ACOXL: variants seen among roughly 807,000 people sequenced by gnomAD.
The protein encoded by ACOXL is acyl-coenzyme A oxidase-like protein.
In ACOXL, 70 loss-of-function variants were observed where a neutral mutation model predicts 71.9. The observed-to-expected ratio is 0.97, with a 90% confidence interval of 0.80 to 1.19. The LOEUF (loss-of-function observed/expected upper bound fraction) is 1.19. Among genes scored for constraint, ACOXL ranks in the 50% most tolerant of loss-of-function variants. ACOXL has a pLI of 0.00. For missense variants in ACOXL, 703 were observed against 736.3 expected (o/e 0.95, Z 0.52); for synonymous variants, 253 against 281.6 (o/e 0.90, Z 1.02).
chr2:111,052,743 G>A (rs780186499), intron 16 of ACOXL, among the ~76,000 whole-genome samples: 7 of 152,094 alleles, frequency 4.6e-5, no homozygotes, highest in Admixed American at 1.3e-4. Context: ...ACCTTGGAGA[G>A]CCCATTTGCC....
At chr2:110,907,847 A>G (rs904638874) in intron 10 of ACOXL, among the ~76,000 whole-genome samples, 2 of 152,244 alleles carry the variant, frequency 1.3e-5, no homozygotes, top group South Asian at 2.1e-4. Flanking sequence ...TTTATCAAAT[A>G]TAAGATTTTT....
At chr2:110,968,030 A>T (rs1288514776) in intron 12 of ACOXL, 2 of 1,071,552 alleles carry the variant, frequency 1.9e-6, no homozygotes, top group Non-Finnish European at 1.4e-6. Context: ...CAGATTGCTT[A>T]TGCCCGTATA....
intron 11 of ACOXL, among the ~76,000 whole-genome samples, chr2:110,930,155 AG>A (rs2060427218): frequency 1.3e-5 from 2 of 152,328 alleles, no homozygotes; most frequent in African/African-American, 4.8e-5. Context: ...TAGCTGGGGT[AG>A]GGGGCTGTAC....
intron 10 of ACOXL, among the ~76,000 whole-genome samples, chr2:110,883,117 T>G (rs1415181985): frequency 2.7e-5 from 4 of 147,726 alleles, no homozygotes; most frequent in Non-Finnish European, 3.0e-5. Context: ...GTTTTTTTTT[T>G]TTTTTTTTTT....
At chr2:110,959,771 CA>C (rs1439842953) in intron 12 of ACOXL, among the ~76,000 whole-genome samples, 1 of 152,200 alleles carries the variant, frequency 6.6e-6, no homozygotes, top group Non-Finnish European at 1.5e-5. Flanking sequence ...GCAAGGTTTA[CA>C]TTCACCATTC....
At chr2:110,877,212 C>A (rs1039824892) in intron 10 of ACOXL, among the ~76,000 whole-genome samples, 1 of 152,236 alleles carries the variant, frequency 6.6e-6, no homozygotes, top group Admixed American at 6.5e-5. Flanking sequence ...GTCTTTGAGG[C>A]GGCACGCAGA....
At chr2:110,851,423 C>T (rs986686862) in intron 10 of ACOXL, among the ~76,000 whole-genome samples, 1 of 152,124 alleles carries the variant, frequency 6.6e-6, no homozygotes, top group African/African-American at 2.4e-5. Flanking sequence ...GTTTTACGTG[C>T]CCAGGGTGAG....
At chr2:110,988,561 A>T (rs761225977) in intron 13 of ACOXL, among the ~76,000 whole-genome samples, 2 of 152,192 alleles carry the variant, frequency 1.3e-5, no homozygotes, top group Non-Finnish European at 2.9e-5. Flanking sequence ...TTGCTGTGCT[A>T]TGGAGTAATG....
chr2:110,928,865 C>A (rs1021491596), intron 11 of ACOXL, among the ~76,000 whole-genome samples: 3 of 152,242 alleles, frequency 2.0e-5, no homozygotes, highest in African/African-American at 7.2e-5. Flanking sequence ...ACCCCTTTCA[C>A]TTGTCTCCCA....
intron 12 of ACOXL, among the ~76,000 whole-genome samples, chr2:110,949,800 C>A (rs1460048160): frequency 1.3e-5 from 2 of 152,148 alleles, no homozygotes; most frequent in East Asian, 3.9e-4. Context: ...GAAGGACGAA[C>A]AAGGCCAGAA....
intron 12 of ACOXL, among the ~76,000 whole-genome samples, chr2:110,961,252 C>G (rs1243650869): frequency 6.6e-6 from 1 of 152,206 alleles, no homozygotes; most frequent in South Asian, 2.1e-4. Context: ...TCCAGTTTCA[C>G]TTGACTTTCA....
intron 12 of ACOXL, among the ~76,000 whole-genome samples, chr2:110,969,406 A>C (rs2062077516): frequency 6.6e-6 from 1 of 152,244 alleles, no homozygotes; most frequent in Admixed American, 6.5e-5. Flanking sequence ...AAGAATCAAC[A>C]AAGTTGATAA....
At chr2:110,818,068 G>A (rs1386670806) in intron 9 of ACOXL, among the ~76,000 whole-genome samples, 5 of 150,262 alleles carry the variant, frequency 3.3e-5, no homozygotes, top group Non-Finnish European at 5.9e-5. Context: ...AGATAATTCC[G>A]AGCATCAAAT....
intron 10 of ACOXL, among the ~76,000 whole-genome samples, chr2:110,882,251 G>C (rs1696748854): frequency 6.6e-6 from 1 of 152,038 alleles, no homozygotes; most frequent in Non-Finnish European, 1.5e-5. Context: ...GCCTACGCTT[G>C]TTTGCTATCC....
At chr2:110,855,824 T>A (rs1438981871) in intron 10 of ACOXL, among the ~76,000 whole-genome samples, 1 of 152,196 alleles carries the variant, frequency 6.6e-6, no homozygotes, top group Admixed American at 6.5e-5. Context: ...TAAAGATGGC[T>A]TGGACCCAAA....
chr2:110,992,132 C>T (rs1402677394), intron 13 of ACOXL, among the ~76,000 whole-genome samples: 1 of 152,212 alleles, frequency 6.6e-6, no homozygotes, highest in Admixed American at 6.5e-5. Flanking sequence ...TTTTCCAGCA[C>T]AGAGTTGAGA....
At chr2:110,863,965 A>G (rs977384210) in intron 10 of ACOXL, among the ~76,000 whole-genome samples, 7 of 152,012 alleles carry the variant, frequency 4.6e-5, no homozygotes, top group Non-Finnish European at 1.0e-4. Flanking sequence ...AGCTTCTCCA[A>G]TTTCTGTTTT....
At chr2:111,016,554 A>G (rs1478990077) in intron 14 of ACOXL, 1 of 152,262 alleles carries the variant, frequency 6.6e-6, no homozygotes, top group Non-Finnish European at 1.5e-5. Flanking sequence ...GAAATCTAGA[A>G]CAGGCTTCAG....
chr2:111,007,985 C>A (rs1455935118), intron 14 of ACOXL, among the ~76,000 whole-genome samples: 1 of 152,154 alleles, frequency 6.6e-6, no homozygotes, highest in East Asian at 1.9e-4. Flanking sequence ...ATTTGCTCAC[C>A]CCCTGTGTAC....
Sources: allele counts gnomAD v4.1 joint callset (sites outside exome capture counted in the v4.1 genomes callset), GRCh38; gene constraint gnomAD v4.1.1; transcripts MANE v1.5; gene names NCBI Gene and HGNC (gene_info 2026-07-23, HGNC 2026-07-21).